RGS5: variants seen among roughly 807,000 people sequenced by gnomAD.
RGS5 encodes regulator of G protein signaling 5.
In RGS5, 20 loss-of-function variants were observed where a neutral mutation model predicts 18.9. That is an observed-to-expected ratio of 1.06 (90% CI 0.74 to 1.54). RGS5 has a LOEUF of 1.54. Among genes scored for constraint, RGS5 ranks in the 40% most tolerant of loss-of-function variants. The probability of loss-of-function intolerance (pLI) is 0.00; values close to 1 mark genes in which losing one functional copy is unlikely to be tolerated. For synonymous variants in RGS5, 57 were observed against 76.2 expected (o/e 0.75, Z 1.31); for missense variants, 201 against 211.8 (o/e 0.95, Z 0.32).
chr1:163,209,963 A>G (rs750995409), intron 1 of RGS5, among the ~76,000 whole-genome samples: 1 of 151,842 alleles, frequency 6.6e-6, no homozygotes, highest in Non-Finnish European at 1.5e-5. Context: ...TAAGATTACA[A>G]CTGTAATTTT....
upstream of RGS5, among the ~76,000 whole-genome samples, chr1:163,222,529 G>C (rs1214147094): frequency 2.0e-5 from 3 of 152,138 alleles, no homozygotes; most frequent in African/African-American, 7.2e-5. Context: ...ATTCTCAACA[G>C]TCAGTATTTA....
intron 2 of RGS5, chr1:163,238,634 A>G (rs1395847476): frequency 1.2e-5 from 3 of 243,814 alleles, no homozygotes; most frequent in African/African-American, 2.3e-5. Flanking sequence ...CTTGGGTGGA[A>G]TATCAGGAAT....
intron 1 of RGS5, among the ~76,000 whole-genome samples, chr1:163,195,131 C>A (rs549913463): frequency 1.3e-5 from 2 of 152,276 alleles, no homozygotes; most frequent in East Asian, 3.9e-4. Flanking sequence ...GACATATGCA[C>A]ACTTATGTTT....
intron 1 of RGS5, among the ~76,000 whole-genome samples, chr1:163,216,983 A>G (rs951403320): frequency 2.6e-5 from 4 of 152,208 alleles, no homozygotes; most frequent in Non-Finnish European, 5.9e-5. Flanking sequence ...TAATGCAGAA[A>G]CAGAAAACCA....
chr1:163,290,159 C>T (rs568035100), intron 2 of RGS5, among the ~76,000 whole-genome samples: 15 of 152,236 alleles, frequency 9.9e-5, no homozygotes, highest in African/African-American at 3.6e-4. Flanking sequence ...AATCAGACAC[C>T]ACCTCCTCAG....
intron 2 of RGS5, among the ~76,000 whole-genome samples, chr1:163,271,288 C>T (rs1337606921): frequency 6.6e-6 from 1 of 152,004 alleles, no homozygotes; most frequent in East Asian, 1.9e-4. Flanking sequence ...CAAACTAACC[C>T]CCAATGGAAT....
intron 1 of RGS5, among the ~76,000 whole-genome samples, chr1:163,192,264 G>A (rs1659390343): frequency 6.6e-6 from 1 of 152,126 alleles, no homozygotes; most frequent in Non-Finnish European, 1.5e-5. Context: ...TTGTGGGGCT[G>A]AGCCCTTAAC....
intron 1 of RGS5, chr1:163,321,401 T>C (rs1650204601): frequency 6.6e-6 from 1 of 152,190 alleles, no homozygotes; most frequent in Admixed American, 6.5e-5. Context: ...TCAGAGGATG[T>C]GTGTTCATAT....
upstream of RGS5, among the ~76,000 whole-genome samples, chr1:163,203,928 A>T (rs1482956341): frequency 6.6e-6 from 1 of 152,166 alleles, no homozygotes; most frequent in African/African-American, 2.4e-5. Context: ...AAAGGTAGGC[A>T]TGAGTCCAAG....
At chr1:163,221,090 C>T (rs1241747783), upstream of RGS5, among the ~76,000 whole-genome samples, 2 of 152,178 alleles carry the variant, frequency 1.3e-5, no homozygotes, top group Non-Finnish European at 2.9e-5. Flanking sequence ...TCAGGAGACA[C>T]TCTGGTCAGC....
intron 2 of RGS5, among the ~76,000 whole-genome samples, chr1:163,262,054 G>A (rs1198352649): frequency 6.6e-6 from 1 of 151,726 alleles, no homozygotes; most frequent in Non-Finnish European, 1.5e-5. Context: ...ATCTAGAGGC[G>A]AGGAGGCAGT....
chr1:163,149,470 C>T (rs1657290242), intron 4 of RGS5, among the ~76,000 whole-genome samples: 2 of 152,100 alleles, frequency 1.3e-5, no homozygotes, highest in African/African-American at 4.8e-5. Context: ...ATTTAAAACC[C>T]TCTAGGACAT....
intron 2 of RGS5, among the ~76,000 whole-genome samples, chr1:163,273,725 TC>T (rs1648780512): frequency 1.3e-5 from 2 of 152,174 alleles, no homozygotes; most frequent in Non-Finnish European, 2.9e-5. Flanking sequence ...TATCACACTT[TC>T]TTGTTTCTTT....
intron 2 of RGS5, among the ~76,000 whole-genome samples, chr1:163,249,611 C>T (rs1298228532): frequency 2.6e-5 from 4 of 152,134 alleles, no homozygotes; most frequent in Admixed American, 1.3e-4. Flanking sequence ...GCCAGCATGG[C>T]GAAACCCTGT....
chr1:163,212,405 T>C (rs773418586), intron 1 of RGS5: 1 of 152,178 alleles, frequency 6.6e-6, no homozygotes, highest in South Asian at 2.1e-4. Flanking sequence ...ACAAATATCA[T>C]AGCATTGCCT....
chr1:163,166,264 T>TTC (rs67413644), intron 2 of RGS5, among the ~76,000 whole-genome samples: 117,514 of 151,816 alleles, frequency 0.77, 45,751 homozygotes, highest in East Asian at 0.91. Flanking sequence ...AAGCACTTAT[T>TTC]TGTTTTTCTC....
rs760816618 is a variant in RGS5, at chr1:163,310,570, G to A, written c.-377-4241C>T. On this transcript the variant is annotated intron_variant, in intron 1 of 5. Coordinates refer to the RGS5 transcript ENST00000618415. ...AGCCTGGGCGACAGAGCAAGACTCC[G>A]TCTCAAAAAAAAAAAAAAAAAAAAG... 2.8e-3 allele frequency among the ~76,000 whole-genome samples: 322 copies of A among 114,408 alleles called. 2 individuals carry two copies. The highest frequency in any genetic ancestry group is 0.013 in the Middle Eastern group (2 of 150). The allele number at this position is 114,408 out of a possible 152,430, so 75.1% of individuals were successfully genotyped here. A position where few individuals can be genotyped will look rare whatever the true frequency, so the allele number is the denominator to read the frequency against.
At chr1:163,270,627 T>C (rs992660000) in intron 2 of RGS5, among the ~76,000 whole-genome samples, 1 of 152,136 alleles carries the variant, frequency 6.6e-6, no homozygotes, top group Non-Finnish European at 1.5e-5. Flanking sequence ...GAAGACAGAT[T>C]ACTGAGAAAA....
intron 2 of RGS5, among the ~76,000 whole-genome samples, chr1:163,274,772 T>C (rs187099943): frequency 6.6e-6 from 1 of 152,150 alleles, no homozygotes; most frequent in Non-Finnish European, 1.5e-5. Context: ...GATAATTGAA[T>C]TGGTTAGTGT....
Sources: gnomAD v4.1 joint callset for allele counts (sites outside exome capture counted in the v4.1 genomes callset) on GRCh38, gnomAD v4.1.1 for gene constraint, MANE v1.5 for transcripts, NCBI Gene and HGNC (gene_info 2026-07-23, HGNC 2026-07-21) for gene names.